TUSC3: variants seen among roughly 807,000 people sequenced by gnomAD.
TUSC3 encodes the protein dolichyl-diphosphooligosaccharide--protein glycosyltransferase subunit TUSC3.
In TUSC3, 45 loss-of-function variants were observed where a neutral mutation model predicts 44.8. The observed-to-expected ratio is 1.00, with a 90% confidence interval of 0.79 to 1.29. The LOEUF (loss-of-function observed/expected upper bound fraction) is 1.29, where lower values mean the gene tolerates loss of function less well. Ranked by LOEUF, TUSC3 falls within the 50% of genes most tolerant of loss-of-function variation. The pLI is 0.00. For synonymous variants in TUSC3, 212 were observed against 152.9 expected (o/e 1.39, Z -2.85); for missense variants, 519 against 437.9 (o/e 1.19, Z -1.65).
the TUSC3 span, among the ~76,000 whole-genome samples, chr8:15,789,091 T>G: frequency 6.6e-6 from 1 of 152,242 alleles, no homozygotes; most frequent in African/African-American, 2.4e-5. Flanking sequence ...CATTCAAGCA[T>G]GCCCATGACT....
chr8:15,745,756 T>C (rs777470989), intron 8 of TUSC3, among the ~76,000 whole-genome samples: 27 of 152,144 alleles, frequency 1.8e-4, no homozygotes, highest in South Asian at 6.2e-4. Flanking sequence ...CTGTTTACTC[T>C]GTCTTGTTGT....
intron 2 of TUSC3, among the ~76,000 whole-genome samples, chr8:15,639,060 A>G (rs1806235120): frequency 6.8e-6 from 1 of 146,976 alleles, no homozygotes; most frequent in Admixed American, 6.7e-5. Context: ...AGTGATGATC[A>G]TGTGCTGATG....
At chr8:15,591,804 CA>C (rs1158481056) in intron 1 of TUSC3, among the ~76,000 whole-genome samples, 1 of 152,080 alleles carries the variant, frequency 6.6e-6, no homozygotes, top group Non-Finnish European at 1.5e-5. Flanking sequence ...AGGCAGAGGC[CA>C]GAACATTGTA....
At chr8:15,636,475 A>G (rs939762432) in intron 2 of TUSC3, among the ~76,000 whole-genome samples, 1 of 152,060 alleles carries the variant, frequency 6.6e-6, no homozygotes, top group African/African-American at 2.4e-5. Flanking sequence ...CAGAATAGAG[A>G]TATTAGGCAT....
downstream of TUSC3, among the ~76,000 whole-genome samples, chr8:15,767,495 T>A (rs1386126865): frequency 5.3e-5 from 8 of 151,646 alleles, no homozygotes; most frequent in Non-Finnish European, 1.0e-4. Flanking sequence ...AAAAAAAGTT[T>A]ACCAAACCAC....
chr8:15,738,827 C>CTTTTTTTTTTCTTTTTTT (rs1373248681), intron 7 of TUSC3, among the ~76,000 whole-genome samples: 1 of 87,172 alleles, frequency 1.1e-5, no homozygotes, highest in Non-Finnish European at 2.1e-5. Flanking sequence ...ATATATCTTG[C>CTTTTTTTTTTCTTTTTTT]TTTTTTTTTT....
At chr8:15,743,864 C>T (rs1297199979) in intron 8 of TUSC3, among the ~76,000 whole-genome samples, 1 of 151,954 alleles carries the variant, frequency 6.6e-6, no homozygotes, top group Admixed American at 6.6e-5. Context: ...TGTCAGGGTG[C>T]TCTAATCCAT....
intron 2 of TUSC3, among the ~76,000 whole-genome samples, chr8:15,506,185 A>T (rs758495023): frequency 9.2e-5 from 14 of 152,126 alleles, no homozygotes; most frequent in East Asian, 1.9e-4. Context: ...CAGTACCCCA[A>T]AATAAAGGCC....
chr8:15,636,138 C>T (rs1806063151), intron 2 of TUSC3, among the ~76,000 whole-genome samples: 1 of 152,092 alleles, frequency 6.6e-6, no homozygotes, highest in African/African-American at 2.4e-5. Flanking sequence ...ACAACCACGC[C>T]TGTTTTTGGT....
intron 2 of TUSC3, among the ~76,000 whole-genome samples, chr8:15,488,054 C>T (rs1034523800): frequency 1.3e-5 from 2 of 151,948 alleles, no homozygotes; most frequent in Admixed American, 6.6e-5. Context: ...GTTTCATTAT[C>T]TATAAAATGA....
intron 5 of TUSC3, among the ~76,000 whole-genome samples, chr8:15,664,437 TTTATTATTATTATTATTATTATTA>T (rs56049201): frequency 7.0e-6 from 1 of 143,870 alleles, no homozygotes. Context: ...GTTATACAGA[TTTATTATTATTATTATTATTATTA>T]TTATTATTAT....
the TUSC3 span, among the ~76,000 whole-genome samples, chr8:15,805,528 T>A: frequency 6.6e-6 from 1 of 152,238 alleles, no homozygotes; most frequent in South Asian, 2.1e-4. Flanking sequence ...TTGTTGATGG[T>A]TTATTATGAA....
chr8:15,476,812 A>C (rs1394580333), intron 1 of TUSC3, among the ~76,000 whole-genome samples: 2 of 152,206 alleles, frequency 1.3e-5, no homozygotes, highest in African/African-American at 4.8e-5. Flanking sequence ...CCCCATGCAA[A>C]TGAAGTAGTG....
At chr8:15,768,230 G>A (rs571040970), downstream of TUSC3, among the ~76,000 whole-genome samples, 1 of 152,046 alleles carries the variant, frequency 6.6e-6, no homozygotes, top group South Asian at 2.1e-4. Flanking sequence ...TAGGCTAATG[G>A]AATAAATACA....
chr8:15,747,441 A>C (rs1366678385), intron 8 of TUSC3, among the ~76,000 whole-genome samples: 1 of 148,936 alleles, frequency 6.7e-6, no homozygotes, highest in Non-Finnish European at 1.5e-5. Context: ...TATATATTTA[A>C]ATAAATTTTA....
At chr8:15,734,037 C>T (rs1018708753) in intron 7 of TUSC3, among the ~76,000 whole-genome samples, 3 of 152,038 alleles carry the variant, frequency 2.0e-5, no homozygotes, top group African/African-American at 4.8e-5. Flanking sequence ...AGTGAGACCC[C>T]GTCTCCAAAA....
chr8:15,585,074 G>T (rs1269950542), intron 1 of TUSC3, among the ~76,000 whole-genome samples: 2 of 152,170 alleles, frequency 1.3e-5, no homozygotes, highest in Admixed American at 6.6e-5. Flanking sequence ...GGTTATGAAA[G>T]TATTACATCG....
At chr8:15,824,238 G>T in the TUSC3 span, among the ~76,000 whole-genome samples, 1 of 152,070 alleles carries the variant, frequency 6.6e-6, no homozygotes, top group Non-Finnish European at 1.5e-5. Flanking sequence ...ATTATTACCT[G>T]ATGCATGAAT....
chr8:15,546,769 A>T (rs1026281662), intron 1 of TUSC3, among the ~76,000 whole-genome samples: 1 of 151,554 alleles, frequency 6.6e-6, no homozygotes, highest in African/African-American at 2.4e-5. Context: ...TCCCGACCTC[A>T]GGTGATCTGC....
Sources: allele counts gnomAD v4.1 joint callset (sites outside exome capture counted in the v4.1 genomes callset), GRCh38; gene constraint gnomAD v4.1.1; transcripts MANE v1.5; gene names NCBI Gene and HGNC (gene_info 2026-07-23, HGNC 2026-07-21).